The following ZMIZ1 variants were observed in gnomAD, a reference collection of about 807,000 sequenced individuals.
ZMIZ1 encodes the protein zinc finger MIZ domain-containing protein 1.
ZMIZ1 carries 17 observed loss-of-function variants against 113.9 expected under a neutral mutation model. The observed-to-expected ratio is 0.15, with a 90% confidence interval of 0.10 to 0.22. The LOEUF (loss-of-function observed/expected upper bound fraction) is 0.22. Ranked by LOEUF, ZMIZ1 falls within the 10% of genes least tolerant of loss-of-function variation. The pLI, the probability that ZMIZ1 is intolerant of heterozygous loss-of-function variation, is 1.00. For missense variants in ZMIZ1, 1,059 were observed against 1,477.8 expected (o/e 0.72, Z 4.65); for synonymous variants, 607 against 603.1 (o/e 1.01, Z -0.09).
chr10:79,231,207 A>G (rs1849381512), intron 7 of ZMIZ1, among the ~76,000 whole-genome samples: 1 of 152,212 alleles, frequency 6.6e-6, no homozygotes, highest in Non-Finnish European at 1.5e-5. Flanking sequence ...CACACCCAGA[A>G]CTGCCAGCAC....
chr10:79,075,223 T>C (rs1263521503), intron 1 of ZMIZ1, among the ~76,000 whole-genome samples: 1 of 152,164 alleles, frequency 6.6e-6, no homozygotes, highest in African/African-American at 2.4e-5. Flanking sequence ...TATCGCAGAC[T>C]GTCAGAGTGG....
Position 79,124,057 on chromosome 10 carries a change from C to T in ZMIZ1, c.-227+5033C>T, listed in dbSNP as rs146629955. Among the ~76,000 whole-genome samples, 338 of 152,352 alleles carry T rather than the reference C, an allele frequency of 2.2e-3. 2 individuals carry two copies. Among genetic ancestry groups the T allele is most frequent in the African/African-American group, 8.0e-3 (331 of 41,576 alleles). ...CCCACCCAAGCCTGGATCTGGGAAT[C>T]GTTTGCAGCTCACTGCTTATTCCTG... On this transcript the variant is annotated intron_variant, in intron 2 of 24. Coordinates refer to ENST00000334512, the MANE Select transcript of ZMIZ1 (RefSeq NM_020338.4).
At chr10:79,164,444 C>T (rs1174822965) in intron 4 of ZMIZ1, among the ~76,000 whole-genome samples, 2 of 53,792 alleles carry the variant, frequency 3.7e-5, no homozygotes, top group African/African-American at 2.0e-4. Flanking sequence ...GAGTGATTCT[C>T]ATGCGTCTCT....
At chr10:79,216,631 GAAACTGAGGCTCACA>G (rs1169555369) in intron 7 of ZMIZ1, among the ~76,000 whole-genome samples, 1 of 152,154 alleles carries the variant, frequency 6.6e-6, no homozygotes, top group Non-Finnish European at 1.5e-5. Context: ...TACACATGAG[GAAACTGAGGCTCACA>G]AACACAGAGG....
chr10:79,122,617 G>T (rs1844346984), intron 2 of ZMIZ1, among the ~76,000 whole-genome samples: 3 of 152,136 alleles, frequency 2.0e-5, no homozygotes, highest in Admixed American at 2.0e-4. Context: ...CCTTTACTCT[G>T]TGATACCTTC....
chr10:79,237,183 G>A (rs1254178650), intron 7 of ZMIZ1, among the ~76,000 whole-genome samples: 1 of 152,242 alleles, frequency 6.6e-6, no homozygotes, highest in Non-Finnish European at 1.5e-5. Flanking sequence ...AGGGCATCGA[G>A]GCTGGACCAG....
At chr10:79,183,827 T>TATC (rs916593779) in intron 4 of ZMIZ1, among the ~76,000 whole-genome samples, 40 of 152,260 alleles carry the variant, frequency 2.6e-4, no homozygotes, top group Admixed American at 9.8e-4. Flanking sequence ...GCTGTTATCC[T>TATC]ATCATCATCA....
chr10:79,221,429 CG>C (rs1848966967), intron 7 of ZMIZ1, among the ~76,000 whole-genome samples: 1 of 152,206 alleles, frequency 6.6e-6, no homozygotes, highest in Admixed American at 6.5e-5. Context: ...CGCACGTGCG[CG>C]GGCGGGATCC....
chr10:79,100,781 T>A (rs1217990615), intron 1 of ZMIZ1, among the ~76,000 whole-genome samples: 1 of 151,684 alleles, frequency 6.6e-6, no homozygotes, highest in African/African-American at 2.4e-5. Flanking sequence ...TGGTAGGGGG[T>A]GAGGATGGTG....
rs528487040 is a variant in ZMIZ1 at position 79,200,765 on chromosome 10, A to C, written c.-49-819A>C. On this transcript the variant is annotated intron_variant, in intron 4 of 24. Coordinates refer to ENST00000334512, the MANE Select transcript of ZMIZ1 (RefSeq NM_020338.4). ...ACAACAGAGTTGTGAGTGGTTTGTA[A>C]ATTATGAACAACTCAAAGCCTGAGG... Among the ~76,000 whole-genome samples, 7 of 152,288 alleles carry C rather than the reference A, an allele frequency of 4.6e-5. No individual in the cohort carries two copies. In the East Asian group the frequency reaches 1.4e-3, roughly 29 times the overall value.
At chr10:79,275,362 CCAGGCCCCCTCCTGGAGGGAGAAA>C (rs775509368) in intron 7 of ZMIZ1, among the ~76,000 whole-genome samples, 129 of 152,346 alleles carry the variant, frequency 8.5e-4, no homozygotes, top group Non-Finnish European at 1.4e-3. Flanking sequence ...AGCTCATCCA[CCAGGCCCCCTCCTGGAGGGAGAAA>C]CAGGGCCCCT....
intron 7 of ZMIZ1, among the ~76,000 whole-genome samples, chr10:79,251,524 C>T (rs1353386364): frequency 2.0e-5 from 3 of 152,190 alleles, no homozygotes; most frequent in Non-Finnish European, 4.4e-5. Flanking sequence ...CTCCCCCAAC[C>T]CCTCACCCCA....
At chr10:79,252,921 C>T (rs1215201148) in intron 7 of ZMIZ1, among the ~76,000 whole-genome samples, 1 of 152,182 alleles carries the variant, frequency 6.6e-6, no homozygotes, top group Non-Finnish European at 1.5e-5. Context: ...GTATGGTGAG[C>T]ATCCAGATAG....
At chr10:79,298,965 C>G in intron 15 of ZMIZ1, 85 bp from the exon 16 acceptor site, 1 of 1,513,406 alleles carries the variant, frequency 6.6e-7, no homozygotes, top group Non-Finnish European at 8.8e-7. Context: ...GAGCATGCAG[C>G]CCAGGGTGAG....
At chr10:79,305,790 A>C in intron 21 of ZMIZ1, among the ~76,000 whole-genome samples, 189 bp downstream of exon 21, 1 of 152,094 alleles carries the variant, frequency 6.6e-6, no homozygotes, top group East Asian at 1.9e-4. Context: ...ACTTCCCAGA[A>C]AGCATGAAAG....
intron 7 of ZMIZ1, among the ~76,000 whole-genome samples, chr10:79,248,980 GTCTGCC>G (rs1196138826): frequency 6.6e-6 from 1 of 152,166 alleles, no homozygotes; most frequent in East Asian, 1.9e-4. Context: ...CCAGCTCCCT[GTCTGCC>G]TCCCAAGAGC....
intron 1 of ZMIZ1, among the ~76,000 whole-genome samples, chr10:79,096,167 G>A (rs191055901): frequency 6.6e-6 from 1 of 152,192 alleles, no homozygotes; most frequent in East Asian, 1.9e-4. Flanking sequence ...CTGGAGGAGA[G>A]GGGGAGGAGA....
intron 2 of ZMIZ1, among the ~76,000 whole-genome samples, chr10:79,122,352 A>G (rs747034664): frequency 2.6e-5 from 4 of 152,150 alleles, no homozygotes; most frequent in Non-Finnish European, 5.9e-5. Context: ...TCACGTAGTG[A>G]TGTTCAAGGC....
At chr10:79,173,860 G>A (rs539863200) in intron 4 of ZMIZ1, among the ~76,000 whole-genome samples, 6 of 152,182 alleles carry the variant, frequency 3.9e-5, no homozygotes, top group South Asian at 2.1e-4. Flanking sequence ...ATTTGAACGC[G>A]GCTCCATCTA....
Sources: gnomAD v4.1 joint callset for allele counts (sites outside exome capture counted in the v4.1 genomes callset) on GRCh38, gnomAD v4.1.1 for gene constraint, MANE v1.5 for transcripts, NCBI Gene and HGNC (gene_info 2026-07-23, HGNC 2026-07-21) for gene names.